Variants in TSHZ2 observed in about 807,000 individuals in gnomAD.
TSHZ2 encodes the protein teashirt homolog 2.
TSHZ2 carries 21 observed loss-of-function variants against 74.4 expected under a neutral mutation model. The ratio of observed to expected loss-of-function variants is 0.28; its 90% CI spans 0.20 to 0.41. The LOEUF (loss-of-function observed/expected upper bound fraction) is 0.41, where lower values mean the gene tolerates loss of function less well. Ranked by LOEUF, TSHZ2 falls within the 10% of genes least tolerant of loss-of-function variation. TSHZ2 has a pLI of 1.00. For synonymous variants in TSHZ2, 540 were observed against 515.3 expected (o/e 1.05, Z -0.65); for missense variants, 1,244 against 1,293.5 (o/e 0.96, Z 0.59).
chr20:53,410,645 A>G (rs1983023703), intron 2 of TSHZ2, among the ~76,000 whole-genome samples: 1 of 147,592 alleles, frequency 6.8e-6, no homozygotes, highest in African/African-American at 2.5e-5. Context: ...TATATTTATG[A>G]AAATGTAAAA....
chr20:53,393,308 C>T (rs1982329199), intron 2 of TSHZ2, among the ~76,000 whole-genome samples: 1 of 152,208 alleles, frequency 6.6e-6, no homozygotes, highest in African/African-American at 2.4e-5. Flanking sequence ...TAATGACCTT[C>T]AGCTCTACCC....
chr20:52,998,777 T>C (rs1982301259), intron 1 of TSHZ2, among the ~76,000 whole-genome samples: 1 of 152,182 alleles, frequency 6.6e-6, no homozygotes, highest in Non-Finnish European at 1.5e-5. Context: ...ATGTAGAAGC[T>C]CAATAAATAT....
intron 1 of TSHZ2, among the ~76,000 whole-genome samples, chr20:53,137,628 C>T (rs1987279584): frequency 6.6e-6 from 1 of 152,284 alleles, no homozygotes; most frequent in African/African-American, 2.4e-5. Context: ...ACTCTCTTCA[C>T]CCCCACGGCT....
At chr20:53,415,990 G>T (rs1450356463) in intron 2 of TSHZ2, among the ~76,000 whole-genome samples, 2 of 152,166 alleles carry the variant, frequency 1.3e-5, no homozygotes, top group Admixed American at 6.6e-5. Flanking sequence ...GGTGAATCCG[G>T]TAACTGTCAG....
chr20:53,285,528 G>A (rs1991148062), intron 2 of TSHZ2, among the ~76,000 whole-genome samples: 2 of 152,056 alleles, frequency 1.3e-5, no homozygotes, highest in South Asian at 4.2e-4. Flanking sequence ...TGGCCAACAT[G>A]GTGAAACCCC....
Position 53,243,822 on chromosome 20 carries a change from C to CTT in TSHZ2, c.41-9665_41-9664dup, listed in dbSNP as rs5841936. Among the ~76,000 whole-genome samples the CTT allele has an allele frequency of 1.7e-3, 252 of 145,704 alleles. 3 individuals carry two copies. Among genetic ancestry groups the CTT allele is most frequent in the East Asian group, 0.016 (80 of 5,006 alleles). ...AGTGGGTTTCTTGCTTGCTTGCTTG[C>CTT]TTTTTTTTTTTTTCTTTCTTTCTTT... On this transcript the variant is annotated intron_variant, in intron 1 of 2. Coordinates refer to ENST00000371497, the MANE Select transcript of TSHZ2 (RefSeq NM_173485.6).
At chr20:53,175,856 G>A (rs1368580749) in intron 1 of TSHZ2, among the ~76,000 whole-genome samples, 1 of 152,178 alleles carries the variant, frequency 6.6e-6, no homozygotes, top group East Asian at 1.9e-4. Flanking sequence ...AACTTTACTG[G>A]GCACATGCCA....
intron 1 of TSHZ2, among the ~76,000 whole-genome samples, chr20:52,999,106 CACATTCCACTCTTCACT>C (rs1982315067): frequency 3.7e-5 from 2 of 54,426 alleles, no homozygotes; most frequent in Non-Finnish European, 1.0e-4. Flanking sequence ...TCTTCACTGC[CACATTCCACTCTTCACT>C]GCCACATTCC....
chr20:53,195,419 T>C (rs1194846901), intron 1 of TSHZ2, among the ~76,000 whole-genome samples: 3 of 152,162 alleles, frequency 2.0e-5, no homozygotes, highest in Non-Finnish European at 2.9e-5. Context: ...TGGTGAAAGA[T>C]ATACAGGTAA....
intron 2 of TSHZ2, among the ~76,000 whole-genome samples, chr20:53,286,911 AC>A (rs1301300224): frequency 6.6e-6 from 1 of 151,756 alleles, no homozygotes; most frequent in Non-Finnish European, 1.5e-5. Context: ...ACACACACAC[AC>A]ACACACACAC....
At chr20:53,360,934 A>G (rs541798672) in intron 2 of TSHZ2, among the ~76,000 whole-genome samples, 3 of 152,374 alleles carry the variant, frequency 2.0e-5, no homozygotes, top group African/African-American at 7.2e-5. Context: ...TTTCTCGCAC[A>G]GCAGGACTTC....
intron 1 of TSHZ2, among the ~76,000 whole-genome samples, chr20:53,030,351 TAAA>T (rs58895342): frequency 1.4e-4 from 21 of 146,140 alleles, no homozygotes; most frequent in South Asian, 6.5e-4. Context: ...AGCACTGACT[TAAA>T]AAAAAAAAAA....
intron 1 of TSHZ2, among the ~76,000 whole-genome samples, chr20:53,127,548 C>CT (rs1279453215): frequency 7.9e-5 from 12 of 152,056 alleles, no homozygotes; most frequent in African/African-American, 2.9e-4. Context: ...TCCAAAAAAA[C>CT]TTTTTTTAAT....
At position 53,143,712 on chromosome 20, in the gene TSHZ2, AAAT is replaced by A. The variant is rs559651046; in HGVS notation, c.41-109771_41-109769del. On this transcript the variant is annotated intron_variant, in intron 1 of 2. Transcript: ENST00000371497. ...GTCTCAAAAAAATAAATAAATAAAT[AAAT>A]AATAATAATAATAATTGTAATAATC... Among the ~76,000 whole-genome samples the A allele has an allele frequency of 4.6e-5, 7 of 151,736 alleles. No homozygotes were observed. In the East Asian group the frequency reaches 5.8e-4, roughly 13 times the overall value.
At chr20:53,428,791 C>T (rs1983740851) in intron 2 of TSHZ2, among the ~76,000 whole-genome samples, 1 of 152,196 alleles carries the variant, frequency 6.6e-6, no homozygotes, top group Non-Finnish European at 1.5e-5. Flanking sequence ...AGAGCCGTCT[C>T]ATTCCTGGAA....
chr20:53,051,621 G>A (rs1984472147), intron 1 of TSHZ2, among the ~76,000 whole-genome samples: 1 of 152,078 alleles, frequency 6.6e-6, no homozygotes, highest in African/African-American at 2.4e-5. Flanking sequence ...GGAACATATT[G>A]GCTTGTCTGA....
intron 1 of TSHZ2, among the ~76,000 whole-genome samples, chr20:53,153,174 A>G (rs1436397065): frequency 1.3e-5 from 2 of 152,206 alleles, no homozygotes; most frequent in Non-Finnish European, 2.9e-5. Context: ...TAAGAGAGAA[A>G]AGAATATCTG....
chr20:53,059,439 T>G (rs973810421), intron 1 of TSHZ2, among the ~76,000 whole-genome samples: 4 of 152,218 alleles, frequency 2.6e-5, no homozygotes, highest in African/African-American at 9.6e-5. Flanking sequence ...GAGAAAAGAC[T>G]AGGAAAAAAT....
intron 2 of TSHZ2, among the ~76,000 whole-genome samples, chr20:53,448,038 C>A (rs1307857790): frequency 6.6e-6 from 1 of 151,934 alleles, no homozygotes; most frequent in African/African-American, 2.4e-5. Flanking sequence ...CTCAGCCTCC[C>A]GAGTAGCTGG....
Sources: gnomAD v4.1 joint callset for allele counts (sites outside exome capture counted in the v4.1 genomes callset) on GRCh38, gnomAD v4.1.1 for gene constraint, MANE v1.5 for transcripts, NCBI Gene and HGNC (gene_info 2026-07-23, HGNC 2026-07-21) for gene names.